The following MAPK10 variants were observed in gnomAD, a reference collection of about 807,000 sequenced individuals.
The protein encoded by MAPK10 is mitogen-activated protein kinase 10, also known as JNK3 alpha protein kinase.
Under a neutral mutation model 59.3 loss-of-function variants are expected in MAPK10, and 25 were observed. The observed-to-expected ratio is 0.42, with a 90% CI of 0.31 to 0.59. MAPK10 has a LOEUF of 0.59. Among genes scored for constraint, MAPK10 ranks in the 20% least tolerant of loss-of-function variants. The probability of loss-of-function intolerance (pLI) is 0.15; values close to 1 mark genes in which losing one functional copy is unlikely to be tolerated. For synonymous variants in MAPK10, 190 were observed against 200.5 expected (o/e 0.95, Z 0.44); for missense variants, 351 against 568.9 (o/e 0.62, Z 3.90).
chr4:86,114,898 A>T (rs1259650631), intron 4 of MAPK10, among the ~76,000 whole-genome samples: 1 of 152,216 alleles, frequency 6.6e-6, no homozygotes, highest in East Asian at 1.9e-4. Context: ...GGCCCTGCTC[A>T]GTGAGGAGGG....
At chr4:86,260,773 T>C (rs983943828) in intron 2 of MAPK10, among the ~76,000 whole-genome samples, 11 of 152,142 alleles carry the variant, frequency 7.2e-5, no homozygotes, top group Non-Finnish European at 1.6e-4. Context: ...CTATAAGAAA[T>C]ATTTTATCCA....
intron 1 of MAPK10, among the ~76,000 whole-genome samples, chr4:86,388,827 A>G (rs914891003): frequency 6.6e-6 from 1 of 152,212 alleles, no homozygotes; most frequent in Non-Finnish European, 1.5e-5. Context: ...TGTACTCAAC[A>G]CAATAGGTCA....
intron 3 of MAPK10, among the ~76,000 whole-genome samples, chr4:86,186,246 T>C (rs75365475): frequency 0.085 from 12,876 of 151,976 alleles, 1,213 homozygotes; most frequent in African/African-American, 0.23. Context: ...AGGTCACAAG[T>C]AAATGGCTAA....
chr4:86,440,821 T>G (rs956578367), intron 1 of MAPK10, among the ~76,000 whole-genome samples: 8 of 152,170 alleles, frequency 5.3e-5, no homozygotes, highest in Non-Finnish European at 1.0e-4. Context: ...ATGTTCCTCC[T>G]TAACTACATG....
chr4:86,542,275 G>A (rs1168268905), intron 1 of MAPK10, among the ~76,000 whole-genome samples: 4 of 152,156 alleles, frequency 2.6e-5, no homozygotes, highest in African/African-American at 7.2e-5. Context: ...GTTGGGCAGT[G>A]TGTTATAATG....
intron 4 of MAPK10, among the ~76,000 whole-genome samples, chr4:86,110,229 A>T (rs1365240588): frequency 6.6e-6 from 1 of 152,150 alleles, no homozygotes; most frequent in Non-Finnish European, 1.5e-5. Context: ...CTTTAGTTTA[A>T]TTAGATCCCA....
chr4:86,424,342 A>T (rs542808284), intron 1 of MAPK10, among the ~76,000 whole-genome samples: 1 of 152,258 alleles, frequency 6.6e-6, no homozygotes, highest in East Asian at 1.9e-4. Flanking sequence ...GGCACCTGCC[A>T]CCACGCTCAG....
At chr4:86,136,451 G>T (rs1012306281) in intron 4 of MAPK10, among the ~76,000 whole-genome samples, 5 of 151,298 alleles carry the variant, frequency 3.3e-5, no homozygotes, top group Non-Finnish European at 7.4e-5. Flanking sequence ...CATAAGTGAA[G>T]GAGAAATAAA....
upstream of MAPK10, among the ~76,000 whole-genome samples, chr4:86,458,172 T>G (rs768113972): frequency 1.1e-4 from 17 of 152,052 alleles, no homozygotes; most frequent in Non-Finnish European, 1.9e-4. Context: ...TGGTGGCATA[T>G]GCCTGTAATC....
At chr4:86,413,762 G>C (rs780548742) in intron 1 of MAPK10, among the ~76,000 whole-genome samples, 1 of 152,204 alleles carries the variant, frequency 6.6e-6, no homozygotes, top group Non-Finnish European at 1.5e-5. Flanking sequence ...CAGTCACTAA[G>C]ACTGTGGGAA....
chr4:86,237,144 G>T (rs971657086), intron 2 of MAPK10, among the ~76,000 whole-genome samples: 2 of 152,088 alleles, frequency 1.3e-5, no homozygotes, highest in African/African-American at 4.8e-5. Flanking sequence ...GTTTGCTGAG[G>T]ATGATGGCTT....
intron 1 of MAPK10, among the ~76,000 whole-genome samples, chr4:86,377,831 T>C (rs1433943646): frequency 6.6e-6 from 1 of 151,948 alleles, no homozygotes; most frequent in Admixed American, 6.6e-5. Context: ...GAACTTGGAG[T>C]CCGATGTTCG....
intron 1 of MAPK10, among the ~76,000 whole-genome samples, chr4:86,421,143 G>A (rs1052939899): frequency 6.6e-6 from 1 of 152,058 alleles, no homozygotes; most frequent in African/African-American, 2.4e-5. Flanking sequence ...AATCGTGTGT[G>A]TGTGCATGTG....
chr4:86,128,063 G>T (rs192328158), intron 4 of MAPK10, among the ~76,000 whole-genome samples: 36 of 152,144 alleles, frequency 2.4e-4, no homozygotes, highest in Non-Finnish European at 1.5e-5. Flanking sequence ...CATTAGCTTA[G>T]ACTGGAAAAA....
At chr4:86,501,128 A>C (rs200865563) in intron 1 of MAPK10, among the ~76,000 whole-genome samples, 11 of 130,740 alleles carry the variant, frequency 8.4e-5, no homozygotes, top group South Asian at 2.4e-4. Context: ...AAAAAAAAAA[A>C]AAAAAAAAAA....
chr4:86,430,587 T>C (rs12507758), intron 1 of MAPK10, among the ~76,000 whole-genome samples: 69,630 of 151,954 alleles, frequency 0.46, 16,132 homozygotes, highest in East Asian at 0.54. Flanking sequence ...AAGGCTATTA[T>C]AGGATTGCAA....
At chr4:86,470,434 C>G (rs1244130609) in intron 1 of MAPK10, among the ~76,000 whole-genome samples, 1 of 151,988 alleles carries the variant, frequency 6.6e-6, no homozygotes, top group African/African-American at 2.4e-5. Flanking sequence ...ACATTTATGT[C>G]TTCTAGGAGA....
At chr4:86,085,965 A>G (rs1561506530) in intron 9 of MAPK10, among the ~76,000 whole-genome samples, 1 of 152,184 alleles carries the variant, frequency 6.6e-6, no homozygotes, top group Non-Finnish European at 1.5e-5. Context: ...GAGATGAACA[A>G]TGAGAACACA....
chr4:86,544,791 G>A (rs1759010439), intron 1 of MAPK10, among the ~76,000 whole-genome samples: 1 of 152,228 alleles, frequency 6.6e-6, no homozygotes, highest in East Asian at 1.9e-4. Flanking sequence ...TGCTTCCTGT[G>A]GTGAACAAAA....
Sources: allele counts gnomAD v4.1 joint callset (sites outside exome capture counted in the v4.1 genomes callset), GRCh38; gene constraint gnomAD v4.1.1; transcripts MANE v1.5; gene names NCBI Gene and HGNC (gene_info 2026-07-23, HGNC 2026-07-21).